DCC: variants seen among roughly 807,000 people sequenced by gnomAD.
The protein encoded by DCC is netrin receptor DCC.
A neutral mutation model predicts 172.5 loss-of-function variants in DCC; 58 were observed. The observed-to-expected ratio is 0.34, with a 90% CI of 0.27 to 0.42. The LOEUF is 0.42. Ranked by LOEUF, DCC falls within the 10% of genes least tolerant of loss-of-function variation. The probability of loss-of-function intolerance (pLI) is 1.00; values close to 1 mark genes in which losing one functional copy is unlikely to be tolerated. For synonymous variants in DCC, 709 were observed against 644.5 expected, an observed-to-expected ratio of 1.10 and a Z score of -1.52; for missense variants, 1,740 against 1,791.0, an observed-to-expected ratio of 0.97 and a Z score of 0.51.
At chr18:52,615,197 G>A (rs1218619381) in intron 1 of DCC, among the ~76,000 whole-genome samples, 3 of 152,156 alleles carry the variant, frequency 2.0e-5, no homozygotes, top group African/African-American at 7.2e-5. Flanking sequence ...AGAATGGAGT[G>A]TAACCCAGAG....
At chr18:52,347,233 AAAG>A (rs1258776746) in intron 1 of DCC, among the ~76,000 whole-genome samples, 1 of 152,190 alleles carries the variant, frequency 6.6e-6, no homozygotes, top group Non-Finnish European at 1.5e-5. Flanking sequence ...ACAAGAGAAA[AAAG>A]AAGTTAAGCA....
At chr18:52,865,410 G>A (rs1378417458) in intron 2 of DCC, among the ~76,000 whole-genome samples, 4 of 152,004 alleles carry the variant, frequency 2.6e-5, no homozygotes, top group African/African-American at 9.7e-5. Flanking sequence ...TTGAGGAATC[G>A]CCACACTGTC....
intron 7 of DCC, among the ~76,000 whole-genome samples, chr18:53,075,590 G>C (rs941829578): frequency 6.7e-6 from 1 of 149,564 alleles, no homozygotes; most frequent in African/African-American, 2.5e-5. Context: ...AAGCGGAAGA[G>C]AAGAATGCTG....
chr18:52,777,921 G>A (rs2037463266), intron 2 of DCC, among the ~76,000 whole-genome samples: 2 of 152,154 alleles, frequency 1.3e-5, no homozygotes, highest in African/African-American at 2.4e-5. Context: ...CAGTGGACAA[G>A]GACAGCAGTC....
intron 2 of DCC, among the ~76,000 whole-genome samples, chr18:52,813,861 A>G (rs1276183933): frequency 6.6e-6 from 1 of 152,192 alleles, no homozygotes; most frequent in Non-Finnish European, 1.5e-5. Flanking sequence ...ATGATGCTGC[A>G]ACAATGACTC....
At chr18:52,790,037 TAC>T (rs1322832097) in intron 2 of DCC, among the ~76,000 whole-genome samples, 1 of 152,054 alleles carries the variant, frequency 6.6e-6, no homozygotes, top group African/African-American at 2.4e-5. Flanking sequence ...GATCAGCTGG[TAC>T]CACCTAGATC....
chr18:53,333,496 T>C (rs1325749528), intron 14 of DCC, among the ~76,000 whole-genome samples: 1 of 152,216 alleles, frequency 6.6e-6, no homozygotes, highest in East Asian at 1.9e-4. Context: ...CAGTATGTGG[T>C]GGCGACTGTT....
intron 7 of DCC, among the ~76,000 whole-genome samples, chr18:53,118,129 G>A (rs531252160): frequency 2.1e-4 from 32 of 151,830 alleles, no homozygotes; most frequent in Non-Finnish European, 4.1e-4. Flanking sequence ...AAATGTAGTA[G>A]AACCATATTA....
chr18:52,514,418 T>A (rs551423900), intron 1 of DCC, among the ~76,000 whole-genome samples: 7 of 152,344 alleles, frequency 4.6e-5, no homozygotes, highest in African/African-American at 1.7e-4. Context: ...TACCCTCTAC[T>A]GGATACCAGT....
At position 53,176,509 on chromosome 18, in the gene DCC, G is replaced by A. The variant is rs1368318383; in HGVS notation, c.1419-2453G>A. ...AAAAAACAAACAACCCCATCAAAAA[G>A]TGGGCAAAGGACATGAACAGACACT... On this transcript the variant is annotated intron_variant, in intron 8 of 28. Coordinates refer to ENST00000442544, the MANE Select transcript of DCC (RefSeq NM_005215.4). Among the ~76,000 whole-genome samples, 11 of 150,630 alleles carry A rather than the reference G, an allele frequency of 7.3e-5. No homozygotes were observed. The South Asian group carries it at 2.3e-3, about 31-fold the overall frequency.
At chr18:53,199,456 G>A (rs1314024257) in intron 9 of DCC, among the ~76,000 whole-genome samples, 1 of 151,976 alleles carries the variant, frequency 6.6e-6, no homozygotes, top group African/African-American at 2.4e-5. Context: ...TGCATGTAAT[G>A]TATCACATAT....
At chr18:52,573,753 C>T (rs915705736) in intron 1 of DCC, among the ~76,000 whole-genome samples, 3 of 152,088 alleles carry the variant, frequency 2.0e-5, no homozygotes, top group Non-Finnish European at 2.9e-5. Flanking sequence ...GCACTGCTCC[C>T]TTTTTTAACT....
intron 5 of DCC, among the ~76,000 whole-genome samples, chr18:52,972,741 G>A (rs189268429): frequency 6.6e-6 from 1 of 152,262 alleles, no homozygotes; most frequent in Non-Finnish European, 1.5e-5. Flanking sequence ...CATGGTAGAG[G>A]AGCTGCCATC....
At chr18:52,719,393 G>A (rs2036438500) in intron 1 of DCC, among the ~76,000 whole-genome samples, 1 of 152,100 alleles carries the variant, frequency 6.6e-6, no homozygotes, top group Non-Finnish European at 1.5e-5. Context: ...CAAAGTGAGT[G>A]TTGAGAGAAT....
intron 2 of DCC, among the ~76,000 whole-genome samples, chr18:52,837,507 C>T (rs1454956790): frequency 6.6e-6 from 1 of 152,184 alleles, no homozygotes; most frequent in Admixed American, 6.5e-5. Context: ...AGTCTCTTTG[C>T]ATAACGAGAG....
intron 8 of DCC, among the ~76,000 whole-genome samples, chr18:53,171,192 T>C (rs2055008514): frequency 6.6e-6 from 1 of 152,164 alleles, no homozygotes; most frequent in African/African-American, 2.4e-5. Flanking sequence ...GCCTACATAG[T>C]GTTTAGATGC....
chr18:52,873,448 G>T lies in DCC; in HGVS notation c.413-32596G>T, dbSNP rs1431045317. On this transcript the variant is annotated intron_variant, in intron 2 of 28. Transcript: ENST00000442544. ...ATGACATGAAAATGGACTGTTATTG[G>T]CTATTCCATCCCTCTTCCATTCAAC... Among the ~76,000 whole-genome samples the T allele has an allele frequency of 2.0e-5, 3 of 152,152 alleles. No homozygotes were observed. In the East Asian group the frequency reaches 5.8e-4, roughly 29 times the overall value.
chr18:52,471,780 A>T (rs139616185), intron 1 of DCC, among the ~76,000 whole-genome samples: 13 of 152,334 alleles, frequency 8.5e-5, no homozygotes, highest in African/African-American at 2.6e-4. Flanking sequence ...CATGGACAAG[A>T]CTAATAAAGA....
chr18:52,863,345 A>T (rs1341798637), intron 2 of DCC, among the ~76,000 whole-genome samples: 6 of 151,844 alleles, frequency 4.0e-5, no homozygotes, highest in Non-Finnish European at 7.4e-5. Context: ...AAAACCTAGG[A>T]AATAAGTAAT....
Sources: gnomAD v4.1 joint callset for allele counts (sites outside exome capture counted in the v4.1 genomes callset) on GRCh38, gnomAD v4.1.1 for gene constraint, MANE v1.5 for transcripts, NCBI Gene and HGNC (gene_info 2026-07-23, HGNC 2026-07-21) for gene names.